CSNK1D: variants seen among roughly 807,000 people sequenced by gnomAD.
CSNK1D encodes casein kinase I isoform delta.
Under a neutral mutation model 46.6 loss-of-function variants are expected in CSNK1D, and 16 were observed. That is an observed-to-expected ratio of 0.34 (90% confidence interval 0.23 to 0.52). CSNK1D has a LOEUF of 0.52. Among genes scored for constraint, CSNK1D ranks in the 20% least tolerant of loss-of-function variants. The pLI is 0.95. For missense variants in CSNK1D, 398 were observed against 578.4 expected, an observed-to-expected ratio of 0.69 and a Z score of 3.20; for synonymous variants, 276 against 228.2, an observed-to-expected ratio of 1.21 and a Z score of -1.89.
At chr17:82,261,335 C>A (rs1338602941) in intron 2 of CSNK1D, among the ~76,000 whole-genome samples, 1 of 152,072 alleles carries the variant, frequency 6.6e-6, no homozygotes, top group Non-Finnish European at 1.5e-5. Context: ...CGGTGGGAAG[C>A]GGCCACTCAT....
chr17:82,250,617 A>C lies in CSNK1D; in HGVS notation c.885+762T>G, dbSNP rs1370598428. ...GGCACTTGGCAAGTAAGTCAAGATG[A>C]ACAGAGTGCACCCCTCCCAGCATCT... On this transcript the variant is annotated intron_variant, in intron 6 of 8. Transcript: ENST00000314028. The surrounding 1 kb of genome is among the most constrained non-coding windows in gnomAD (Gnocchi z 4.6). 1 of 193,400 alleles carries C rather than the reference A, an allele frequency of 5.2e-6. No homozygotes were observed. Among genetic ancestry groups the C allele is most frequent in the Non-Finnish European group, 1.1e-5 (1 of 90,750 alleles). The allele number at this position is 193,400 out of a possible 1,614,324, so 12.0% of individuals were successfully genotyped here.
rs1422220965 is a variant in CSNK1D, at chr17:82,243,243, G to A, written c.*1538C>T. 5 of 985,552 alleles carry A rather than the reference G, an allele frequency of 5.1e-6. No homozygotes were observed. The highest frequency in any genetic ancestry group is 6.0e-6 in the Non-Finnish European group (5 of 830,014). The allele number at this position is 985,552 out of a possible 1,614,324, so 61.1% of individuals were successfully genotyped here. ...ACGCCAGCCAGTTATGGCATCCGGG[G>A]AACTCTGGGGAGGAGAAGGGAGAAC... On this transcript the variant is annotated 3_prime_UTR_variant, in exon 9 of 9. Coordinates refer to ENST00000314028, the MANE Select transcript of CSNK1D (RefSeq NM_001893.6).
chr17:82,249,797 G>T lies in CSNK1D; in HGVS notation c.886-195C>A, dbSNP rs550260435. Reference sequence around the variant, plus strand: ...CATCCCCACAAGGGGTCAGAGCCAGGCCTCTCAGCTCCCCCAACAATCGAA... The same window carrying T: ...CATCCCCACAAGGGGTCAGAGCCAGTCCTCTCAGCTCCCCCAACAATCGAA... On this transcript the variant is annotated intron_variant, in intron 6 of 8. Transcript: ENST00000314028. This position sits in a 1 kb window ranked among gnomAD's most constrained non-coding sequence, Gnocchi z 6.7. 3 of 1,442,506 alleles carry T rather than the reference G, an allele frequency of 2.1e-6. No homozygotes were observed. The African/African-American group carries it at 4.3e-5, about 21-fold the overall frequency. The allele number at this position is 1,442,506 out of a possible 1,614,324, so 89.4% of individuals were successfully genotyped here.
At chr17:82,257,747 G>C (rs2051210509) in intron 2 of CSNK1D, among the ~76,000 whole-genome samples, 1 of 152,252 alleles carries the variant, frequency 6.6e-6, no homozygotes, top group Non-Finnish European at 1.5e-5. Flanking sequence ...AGAGAGCTGA[G>C]GAGGAGCCTG....
At chr17:82,267,060 A>G (rs1270651605) in intron 1 of CSNK1D, 2 of 99,014 alleles carry the variant, frequency 2.0e-5, no homozygotes, top group South Asian at 5.6e-4. Context: ...ACACCGTCTC[A>G]AAAAAAAAAA....
intron 2 of CSNK1D, among the ~76,000 whole-genome samples, chr17:82,261,443 T>C (rs2051337571): frequency 6.6e-6 from 1 of 152,142 alleles, no homozygotes; most frequent in South Asian, 2.1e-4. Context: ...GCCAGATACA[T>C]GAAGACATGC....
At position 82,250,437 on chromosome 17, in the gene CSNK1D, G is replaced by A. The variant is rs1471773790; in HGVS notation, c.886-835C>T. The A allele has an allele frequency of 1.2e-5, 4 of 345,866 alleles. No homozygotes were observed. The highest frequency in any genetic ancestry group is 6.5e-5 in the African/African-American group (3 of 46,312). The allele number at this position is 345,866 out of a possible 1,614,324, so 21.4% of individuals were successfully genotyped here. The stretch of plus-strand genomic sequence containing the variant: ...AGGGCCGGGTGACTCTAATGCCGCA[G>A]GAGGGTCGCTCTGATTCCTCCCGAG... On this transcript the variant is annotated intron_variant, in intron 6 of 8. Coordinates refer to ENST00000314028, the MANE Select transcript of CSNK1D (RefSeq NM_001893.6). The surrounding 1 kb of genome is among the most constrained non-coding windows in gnomAD (Gnocchi z 4.6).
At position 82,251,937 on chromosome 17, in the gene CSNK1D, T is replaced by C; in HGVS notation, c.737-410A>G. The C allele has an allele frequency of 3.1e-6, 1 of 318,880 alleles. No individual in the cohort carries two copies. The highest frequency in any genetic ancestry group is 6.0e-6 in the Non-Finnish European group (1 of 166,956). The allele number at this position is 318,880 out of a possible 1,614,324, so 19.8% of individuals were successfully genotyped here. The stretch of plus-strand genomic sequence containing the variant: ...TGAACCCGGGAGGCGGAGCTTGCAG[T>C]GAGCCGAGATCACGCCACTGCACTC... On this transcript the variant is annotated intron_variant, in intron 5 of 8. Transcript: ENST00000314028. This position sits in a 1 kb window ranked among gnomAD's most constrained non-coding sequence, Gnocchi z 4.5.
intron 1 of CSNK1D, among the ~76,000 whole-genome samples, chr17:82,266,342 C>G (rs2051467482): frequency 1.3e-5 from 2 of 152,366 alleles, no homozygotes; most frequent in South Asian, 2.1e-4. Flanking sequence ...ACACCCTCCA[C>G]CAGGCGGAGG....
Position 82,244,381 on chromosome 17 carries a change from A to G in CSNK1D, c.*400T>C. On this transcript the variant is annotated 3_prime_UTR_variant, in exon 9 of 9. Transcript: ENST00000314028. Reference sequence around the variant, plus strand: ...GACAGATTTTCTTTACACAGATTTAAGCCAATAATTTTTAGCAAAATGATA... The same window carrying G: ...GACAGATTTTCTTTACACAGATTTAGGCCAATAATTTTTAGCAAAATGATA... 8.7e-7 allele frequency: 1 copy of G among 1,143,684 alleles called. No individual in the cohort carries two copies. Among genetic ancestry groups the G allele is most frequent in the Non-Finnish European group, 1.1e-6 (1 of 921,216 alleles). The allele number at this position is 1,143,684 out of a possible 1,614,324, so 70.8% of individuals were successfully genotyped here.
At chr17:82,241,669 C>G (rs533165614), downstream of CSNK1D, among the ~76,000 whole-genome samples, 3 of 152,280 alleles carry the variant, frequency 2.0e-5, no homozygotes, top group South Asian at 6.2e-4. Flanking sequence ...AGGCCCCACA[C>G]GGTGTCTCAG....
downstream of CSNK1D, among the ~76,000 whole-genome samples, chr17:82,241,359 C>T (rs531016554): frequency 9.8e-5 from 15 of 152,356 alleles, no homozygotes; most frequent in African/African-American, 2.6e-4. Context: ...TCCCGGGAGG[C>T]GCTGCCCAGT....
At chr17:82,244,984 T>A in intron 8 of CSNK1D, 153 bp from the exon 9 acceptor site, 7 of 943,740 alleles carry the variant, frequency 7.4e-6, no homozygotes, top group Non-Finnish European at 9.9e-6. Flanking sequence ...CACAGGGGCC[T>A]CTGTGGCTGG....
Position 82,244,469 on chromosome 17 carries a change from C to T in CSNK1D, c.*312G>A, listed in dbSNP as rs1287536569. On this transcript the variant is annotated 3_prime_UTR_variant, in exon 9 of 9. Transcript: ENST00000314028. ...AGTGGAATCGTCAGGGAGTACAGGG[C>T]GGCCACCACTGGAGGGAGCTGAGGC... is the stretch of plus-strand genomic sequence containing the variant. The T allele has an allele frequency of 1.8e-5, 24 of 1,360,648 alleles. No individual in the cohort carries two copies. Among genetic ancestry groups the T allele is most frequent in the East Asian group, 3.0e-5 (1 of 33,110 alleles). 84.3% of individuals were successfully genotyped at this position (1,360,648 alleles called of 1,614,324 possible). A position where few individuals can be genotyped will look rare whatever the true frequency, so the allele number is the denominator to read the frequency against.
At chr17:82,240,139 G>A (rs922959912), downstream of CSNK1D, 7 of 1,118,762 alleles carry the variant, frequency 6.3e-6, no homozygotes, top group African/African-American at 8.0e-5. Context: ...GCGCCAGCTG[G>A]GCTTGAGCTC....
intron 2 of CSNK1D, among the ~76,000 whole-genome samples, chr17:82,265,128 C>G (rs1340349648): frequency 6.6e-6 from 1 of 151,612 alleles, no homozygotes; most frequent in Non-Finnish European, 1.5e-5. Flanking sequence ...TTTCAGAAAC[C>G]ATGACCCAAT....
chr17:82,242,215 G>GA (rs113483690), downstream of CSNK1D, among the ~76,000 whole-genome samples: 7 of 150,840 alleles, frequency 4.6e-5, 1 homozygote, highest in South Asian at 1.3e-3. Context: ...TGTGCTCTGG[G>GA]GGGGGGGGGA....
Position 82,244,631 on chromosome 17 carries a change from C to G in CSNK1D, c.*150G>C. 6.5e-7 allele frequency: 1 copy of G among 1,537,954 alleles called. No homozygotes were observed. The highest frequency in any genetic ancestry group is 8.7e-7 in the Non-Finnish European group (1 of 1,147,176). On this transcript the variant is annotated 3_prime_UTR_variant, in exon 9 of 9. Coordinates refer to ENST00000314028, the MANE Select transcript of CSNK1D (RefSeq NM_001893.6). ...TGGAGTCTGTCCGTTTAGTATGTTT[C>G]CCCCACGAGCGTCGCTGGGTGAGTG...
At position 82,244,378 on chromosome 17, in the gene CSNK1D, T is replaced by G; in HGVS notation, c.*403A>C. The G allele has an allele frequency of 8.8e-7, 1 of 1,140,106 alleles. No individual in the cohort carries two copies. The highest frequency in any genetic ancestry group is 1.1e-6 in the Non-Finnish European group (1 of 919,010). 70.6% of individuals were successfully genotyped at this position (1,140,106 alleles called of 1,614,324 possible). A position where few individuals can be genotyped will look rare whatever the true frequency, so the allele number is the denominator to read the frequency against. ...AAAGACAGATTTTCTTTACACAGATTTAAGCCAATAATTTTTAGCAAAATG... is the reference window on the plus strand; with the variant it reads ...AAAGACAGATTTTCTTTACACAGATGTAAGCCAATAATTTTTAGCAAAATG... On this transcript the variant is annotated 3_prime_UTR_variant, in exon 9 of 9. Coordinates refer to ENST00000314028, the MANE Select transcript of CSNK1D (RefSeq NM_001893.6).
Sources: allele counts gnomAD v4.1 joint callset (sites outside exome capture counted in the v4.1 genomes callset), GRCh38; gene constraint gnomAD v4.1.1; non-coding constraint Gnocchi (gnomAD v3.1); transcripts MANE v1.5; gene names NCBI Gene and HGNC (gene_info 2026-07-23, HGNC 2026-07-21).